The following ANKRD46 variants were observed in gnomAD, a reference collection of about 807,000 sequenced individuals.
ANKRD46 encodes ankyrin repeat domain-containing protein 46.
In ANKRD46, 13 loss-of-function variants were observed where a neutral mutation model predicts 19.8. The ratio of observed to expected loss-of-function variants is 0.66; its 90% confidence interval spans 0.43 to 1.04. The LOEUF is 1.04. Among genes scored for constraint, ANKRD46 ranks in the 50% least tolerant of loss-of-function variants. The probability of loss-of-function intolerance (pLI) is 0.00; values close to 1 mark genes in which losing one functional copy is unlikely to be tolerated. For missense variants in ANKRD46, 185 were observed against 274.8 expected, an observed-to-expected ratio of 0.67 and a Z score of 2.31; for synonymous variants, 91 against 106.9, an observed-to-expected ratio of 0.85 and a Z score of 0.92.
At position 100,529,794 on chromosome 8, in the gene ANKRD46, C is replaced by A; in HGVS notation, c.40G>T (p.Val14Leu). ...VFVNDSSQTN[V>L]PLLQACIDGD... ...TCAATACAGGCTTGCAGCAAGGGCA[C>A]GTTAGTCTGAGAAGAATCATTTACA... The change falls in exon 3 of 5, where the codon GTG (valine) becomes TTG (leucine). Residue 14 changes from valine to leucine, a missense_variant. Val to Leu is a conservative substitution (Grantham distance 32, BLOSUM62 1). Transcript: ENST00000335659. This position sits in a 1 kb window ranked among gnomAD's most constrained non-coding sequence, Gnocchi z 5.8. 1 of 1,614,182 alleles carries A rather than the reference C, an allele frequency of 6.2e-7. No individual in the cohort carries two copies. The highest frequency in any genetic ancestry group is 1.3e-5 in the African/African-American group (1 of 75,028).
chr8:100,511,365 T>C lies in ANKRD46; in HGVS notation c.637-726A>G, dbSNP rs1253569161. 6.6e-6 allele frequency among the ~76,000 whole-genome samples: 1 copy of C among 151,624 alleles called. No individual in the cohort carries two copies. The highest frequency in any genetic ancestry group is 2.4e-5 in the African/African-American group (1 of 41,250). On this transcript the variant is annotated intron_variant, in intron 5 of 5. Transcript: ENST00000520552. The surrounding 1 kb of genome is among the most constrained non-coding windows in gnomAD (Gnocchi z 4.1). ...CTTCTGCCTCCCAGTCACAAAAGAG[T>C]GGGTGTTTATGACAAGGAGTGTCTT...
intron 4 of ANKRD46, among the ~76,000 whole-genome samples, chr8:100,526,920 C>A (rs1811853359): frequency 6.6e-6 from 1 of 152,076 alleles, no homozygotes; most frequent in Non-Finnish European, 1.5e-5. Flanking sequence ...CTTGCTTATT[C>A]TATTTACAAC....
At position 100,514,617 on chromosome 8, in the gene ANKRD46, C is replaced by CTTTTTTTTTTTTTTTTTTT. The variant is rs35216029; in HGVS notation, c.637-3997_637-3979dup. Among the ~76,000 whole-genome samples, 22 of 74,062 alleles carry CTTTTTTTTTTTTTTTTTTT rather than the reference C, an allele frequency of 3.0e-4. 4 individuals carry two copies. The highest frequency in any genetic ancestry group is 8.4e-4 in the African/African-American group (15 of 17,842). 48.6% of individuals were successfully genotyped at this position (74,062 alleles called of 152,430 possible). A position where few individuals can be genotyped will look rare whatever the true frequency, so the allele number is the denominator to read the frequency against. On this transcript the variant is annotated intron_variant, in intron 5 of 5. Transcript: ENST00000520552. ...TGAGTGTGGGTTATTCCTCCATCTT[C>CTTTTTTTTTTTTTTTTTTT]TTTTTTTTTTTTTTTTTTTTTTGAG...
At chr8:100,535,477 T>C (rs1355009824) in intron 1 of ANKRD46, among the ~76,000 whole-genome samples, 1 of 152,232 alleles carries the variant, frequency 6.6e-6, no homozygotes, top group Non-Finnish European at 1.5e-5. Context: ...GACATTGATA[T>C]AGTCAAGATA....
In ANKRD46 at chr8:100,532,671, T is replaced by G. The variant is rs1811989661; in HGVS notation, c.-28+538A>C. Reference sequence around the variant, plus strand: ...GGGCTACACATAAAATACATAATGATAGCTGATAAGCTTTAAAAAATTGCA... The same window carrying G: ...GGGCTACACATAAAATACATAATGAGAGCTGATAAGCTTTAAAAAATTGCA... On this transcript the variant is annotated intron_variant, in intron 2 of 4. Coordinates refer to ENST00000335659, the MANE Select transcript of ANKRD46 (RefSeq NM_001270377.2). This position sits in a 1 kb window ranked among gnomAD's most constrained non-coding sequence, Gnocchi z 4.7. Among the ~76,000 whole-genome samples, 1 of 152,210 alleles carries G rather than the reference T, an allele frequency of 6.6e-6. No individual in the cohort carries two copies. The highest frequency in any genetic ancestry group is 6.5e-5 in the Admixed American group (1 of 15,286).
rs1812275226 is a variant in ANKRD46 at position 100,546,494 on chromosome 8, GA to G, written c.-130-13184del. On this transcript the variant is annotated intron_variant, in intron 1 of 4. Transcript: ENST00000335659. This position sits in a 1 kb window ranked among gnomAD's most constrained non-coding sequence, Gnocchi z 4.0. ...GCAGAAGACAGGAGTTGAGCTTTGG[GA>G]ACCTCTGCCTAGATTTCAAAGGACA... is the stretch of plus-strand genomic sequence containing the variant. 6.6e-6 allele frequency among the ~76,000 whole-genome samples: 1 copy of G among 152,238 alleles called. No individual in the cohort carries two copies. The highest frequency in any genetic ancestry group is 1.5e-5 in the Non-Finnish European group (1 of 68,038).
Position 100,530,000 on chromosome 8 carries a change from G to A in ANKRD46, c.-27-140C>T. The A allele has an allele frequency of 1.7e-6, 1 of 575,634 alleles. No homozygotes were observed. Among genetic ancestry groups the A allele is most frequent in the South Asian group, 2.7e-5 (1 of 37,316 alleles). The allele number at this position is 575,634 out of a possible 1,614,324, so 35.7% of individuals were successfully genotyped here. ...ATGACCAAACAGAAACAACAACAAA[G>A]TTATCAATTGTATTTTATTTTCCAT... is the stretch of plus-strand genomic sequence containing the variant. On this transcript the variant is annotated intron_variant, in intron 2 of 4. Transcript: ENST00000335659. This position sits in a 1 kb window ranked among gnomAD's most constrained non-coding sequence, Gnocchi z 5.8.
intron 1 of ANKRD46, among the ~76,000 whole-genome samples, chr8:100,552,040 C>T (rs1313128496): frequency 6.6e-6 from 1 of 151,076 alleles, no homozygotes; most frequent in Non-Finnish European, 1.5e-5. Flanking sequence ...GTCCCAGGTA[C>T]TCGGGAGGCT....
At chr8:100,516,402 T>C (rs959431205), downstream of ANKRD46, among the ~76,000 whole-genome samples, 12 of 152,314 alleles carry the variant, frequency 7.9e-5, no homozygotes, top group Middle Eastern at 3.4e-3. Flanking sequence ...TGTTTCAAAT[T>C]GCAAAAGGTC....
chr8:100,520,699 T>C (rs1811705738), downstream of ANKRD46: 4 of 691,882 alleles, frequency 5.8e-6, no homozygotes, highest in Admixed American at 6.6e-5. Flanking sequence ...AGCAGCTAAT[T>C]GCAATCCATT....
downstream of ANKRD46, among the ~76,000 whole-genome samples, chr8:100,519,375 G>C (rs184971090): frequency 6.6e-6 from 1 of 152,286 alleles, no homozygotes; most frequent in Admixed American, 6.5e-5. Flanking sequence ...GAACCAGCTG[G>C]AGGAAGCAGC....
At position 100,544,187 on chromosome 8, in the gene ANKRD46, T is replaced by C. The variant is rs1178709990; in HGVS notation, c.-130-10876A>G. The stretch of plus-strand genomic sequence containing the variant: ...CCCCAAGCAGCAAGAAATCTGCCCA[T>C]ACAACCATCCCTAACTCTCTTCAGT... On this transcript the variant is annotated intron_variant, in intron 1 of 4. Coordinates refer to ENST00000335659, the MANE Select transcript of ANKRD46 (RefSeq NM_001270377.2). This position sits in a 1 kb window ranked among gnomAD's most constrained non-coding sequence, Gnocchi z 4.4. Among the ~76,000 whole-genome samples, 3 of 152,164 alleles carry C rather than the reference T, an allele frequency of 2.0e-5. No homozygotes were observed. Among genetic ancestry groups the C allele is most frequent in the African/African-American group, 7.2e-5 (3 of 41,450 alleles).
rs1586779445 is a variant in ANKRD46 at position 100,522,305 on chromosome 8, G to C, written c.*250C>G. On this transcript the variant is annotated 3_prime_UTR_variant, in exon 5 of 5. Transcript: ENST00000335659. ...TCACTTCCGTGTTTTTATCAAACAA[G>C]GCTACGTGTAGGCTTTCCTACAAAG... 3 of 1,299,086 alleles carry C rather than the reference G, an allele frequency of 2.3e-6. No individual in the cohort carries two copies. In the South Asian group the frequency reaches 5.8e-5, roughly 25 times the overall value. The allele number at this position is 1,299,086 out of a possible 1,614,324, so 80.5% of individuals were successfully genotyped here.
chr8:100,512,754 C>T (rs1204238701), intron 5 of ANKRD46, among the ~76,000 whole-genome samples: 1 of 152,196 alleles, frequency 6.6e-6, no homozygotes, highest in East Asian at 1.9e-4. Flanking sequence ...GCAATTGTGA[C>T]TACCAATATC....
At position 100,522,708 on chromosome 8, in the gene ANKRD46, G is replaced by A. The variant is rs1295772141; in HGVS notation, c.534C>T (p.Ser178=). 8 of 1,614,070 alleles carry A rather than the reference G, an allele frequency of 5.0e-6. No homozygotes were observed. Among genetic ancestry groups the A allele is most frequent in the Non-Finnish European group, 6.8e-6 (8 of 1,180,028 alleles). ...NLQQGEGVLS[S]FRTTWQEFVE... ...CAAACTCCTGCCACGTGGTTCGGAAGCTGGAGAGGACTCCTTCACCTTGCT... is the reference window on the plus strand; with the variant it reads ...CAAACTCCTGCCACGTGGTTCGGAAACTGGAGAGGACTCCTTCACCTTGCT... Residue 178 remains serine (S), a synonymous_variant, in exon 5 of 5, where the codon AGC becomes AGT. Transcript: ENST00000335659.
intron 1 of ANKRD46, among the ~76,000 whole-genome samples, chr8:100,558,784 G>C (rs975648451): frequency 1.3e-5 from 2 of 152,170 alleles, no homozygotes; most frequent in Non-Finnish European, 2.9e-5. Flanking sequence ...GGAGAAGTCA[G>C]ACTCTCGGTG....
intron 5 of ANKRD46, among the ~76,000 whole-genome samples, chr8:100,514,343 A>T (rs1472201481): frequency 6.6e-6 from 1 of 152,174 alleles, no homozygotes; most frequent in Non-Finnish European, 1.5e-5. Flanking sequence ...TTAATTTGTA[A>T]TGATTCCAGC....
rs1399081156 is a variant in ANKRD46, at chr8:100,550,010, CT to C, written c.-131+9700del. 1.3e-5 allele frequency among the ~76,000 whole-genome samples: 2 copies of C among 152,158 alleles called. No homozygotes were observed. The highest frequency in any genetic ancestry group is 2.9e-5 in the Non-Finnish European group (2 of 68,040). ...GTATCTTCTCATGGCTTCATAGTTT[CT>C]CTTTAGGACTGCATAATATGTCATT... On this transcript the variant is annotated intron_variant, in intron 1 of 4. Coordinates refer to ENST00000335659, the MANE Select transcript of ANKRD46 (RefSeq NM_001270377.2). This position sits in a 1 kb window ranked among gnomAD's most constrained non-coding sequence, Gnocchi z 4.4.
chr8:100,538,284 A>C (rs1442255048), intron 1 of ANKRD46, among the ~76,000 whole-genome samples: 1 of 152,232 alleles, frequency 6.6e-6, no homozygotes, highest in Non-Finnish European at 1.5e-5. Context: ...CATGAATCAA[A>C]TTAATGATTC....
Sources: allele counts gnomAD v4.1 joint callset (sites outside exome capture counted in the v4.1 genomes callset), GRCh38; gene constraint gnomAD v4.1.1; non-coding constraint Gnocchi (gnomAD v3.1); transcripts MANE v1.5; gene names NCBI Gene and HGNC (gene_info 2026-07-23, HGNC 2026-07-21).